The following NCAM1 variants were observed in gnomAD, a reference collection of about 807,000 sequenced individuals.
NCAM1 encodes antigen recognized by monoclonal antibody 5.1H11.
A neutral mutation model predicts 109.8 loss-of-function variants in NCAM1; 14 were observed. The ratio of observed to expected loss-of-function variants is 0.13; its 90% confidence interval spans 0.08 to 0.20. NCAM1 has a LOEUF of 0.20. Ranked by LOEUF, NCAM1 falls within the 10% of genes least tolerant of loss-of-function variation. NCAM1 has a pLI of 1.00. For missense variants in NCAM1, 774 were observed against 1,109.9 expected, an observed-to-expected ratio of 0.70 and a Z score of 4.30; for synonymous variants, 418 against 442.9, an observed-to-expected ratio of 0.94 and a Z score of 0.70.
At chr11:113,232,500 T>A (rs1446892636) in intron 11 of NCAM1, 146 bp downstream of exon 11, 1 of 933,272 alleles carries the variant, frequency 1.1e-6, no homozygotes. Context: ...CTGAGCCTCT[T>A]TTCAGCTCCC....
chr11:113,260,315 C>T lies in NCAM1; in HGVS notation c.2123C>T (p.Ala708Val), dbSNP rs1945954098. The change falls in exon 17 of 20, where the codon GCC becomes GTC. Residue 708 changes from alanine (A) to valine (V), a missense_variant. By Grantham distance (64) the Ala-to-Val change is moderately conservative. Transcript: ENST00000316851. ...FVFRTSAQPTAIPANGSPTSG... is the reference protein window; with the variant it reads ...FVFRTSAQPTVIPANGSPTSG... ...TTCAGGACCTCGGCCCAGCCCACAG[C>T]CATCCCAGGTATGGCTGCCTCTGCT... is the stretch of plus-strand genomic sequence containing the variant. 3 of 1,611,212 alleles carry T rather than the reference C, an allele frequency of 1.9e-6. No individual in the cohort carries two copies. The highest frequency in any genetic ancestry group is 1.7e-6 in the Non-Finnish European group (2 of 1,179,158).
intron 1 of NCAM1, among the ~76,000 whole-genome samples, chr11:113,058,152 T>G (rs1953780557): frequency 6.6e-6 from 1 of 151,950 alleles, no homozygotes; most frequent in Non-Finnish European, 1.5e-5. Flanking sequence ...GGTGTGGTGA[T>G]GGGTGCCTGT....
intron 14 of NCAM1, chr11:113,240,613 T>A: frequency 1.5e-6 from 1 of 655,514 alleles, no homozygotes; most frequent in Middle Eastern, 2.9e-4. Flanking sequence ...GAGAGAGCCC[T>A]GCTCCTCGCT....
chr11:113,084,383 C>T (rs1938984817), intron 1 of NCAM1, among the ~76,000 whole-genome samples: 1 of 152,176 alleles, frequency 6.6e-6, no homozygotes, highest in Non-Finnish European at 1.5e-5. Context: ...AGAAACTGGG[C>T]TCCAGGTTAA....
At chr11:113,135,654 C>T (rs1941571012) in intron 1 of NCAM1, among the ~76,000 whole-genome samples, 1 of 152,132 alleles carries the variant, frequency 6.6e-6, no homozygotes, top group South Asian at 2.1e-4. Flanking sequence ...TGTGTACATT[C>T]CTCTGTGTTC....
intron 1 of NCAM1, among the ~76,000 whole-genome samples, chr11:113,185,169 G>A (rs1943472548): frequency 6.6e-6 from 1 of 150,936 alleles, no homozygotes; most frequent in South Asian, 2.1e-4. Context: ...TCCAAGATGT[G>A]CAGTTAGAAA....
chr11:113,044,248 G>T (rs187244148), intron 1 of NCAM1, among the ~76,000 whole-genome samples: 1 of 152,196 alleles, frequency 6.6e-6, no homozygotes, highest in Non-Finnish European at 1.5e-5. Flanking sequence ...CAGCATACCA[G>T]GATGGATCTA....
intron 1 of NCAM1, among the ~76,000 whole-genome samples, chr11:113,154,375 T>C (rs1368041375): frequency 6.6e-6 from 1 of 152,144 alleles, no homozygotes; most frequent in Non-Finnish European, 1.5e-5. Flanking sequence ...CATGTCGACA[T>C]GCTGAGGGAC....
chr11:113,167,789 G>C (rs1379196320), intron 1 of NCAM1, among the ~76,000 whole-genome samples: 1 of 152,190 alleles, frequency 6.6e-6, no homozygotes, highest in Non-Finnish European at 1.5e-5. Flanking sequence ...ACTCTGCCAG[G>C]TTGGCAGGCG....
chr11:113,026,167 G>A (rs997447310), intron 1 of NCAM1, among the ~76,000 whole-genome samples: 13 of 152,192 alleles, frequency 8.5e-5, no homozygotes, highest in African/African-American at 3.1e-4. Flanking sequence ...GGCCTTCTTA[G>A]AGAAGCACTG....
intron 1 of NCAM1, among the ~76,000 whole-genome samples, chr11:113,187,207 C>T (rs1473024010): frequency 7.9e-5 from 12 of 152,154 alleles, no homozygotes; most frequent in African/African-American, 1.4e-4. Flanking sequence ...AAACTAGACC[C>T]GACCTTCTTG....
chr11:113,251,911 C>G (rs1427820014), intron 15 of NCAM1, among the ~76,000 whole-genome samples: 2 of 152,204 alleles, frequency 1.3e-5, no homozygotes, highest in Non-Finnish European at 2.9e-5. Flanking sequence ...CAGCCCCTCC[C>G]TCATCAGGCT....
At chr11:113,002,271 G>A (rs1335464378) in intron 1 of NCAM1, among the ~76,000 whole-genome samples, 3 of 152,192 alleles carry the variant, frequency 2.0e-5, no homozygotes. Context: ...GTAAAGGAGT[G>A]AAGGAAGCAA....
chr11:112,984,633 T>C (rs1555069282), intron 1 of NCAM1, among the ~76,000 whole-genome samples: 1 of 152,010 alleles, frequency 6.6e-6, no homozygotes, highest in Non-Finnish European at 1.5e-5. Context: ...TGATTTGTAT[T>C]TTTCTAATAA....
Position 112,961,586 on chromosome 11 carries a change from A to T in NCAM1, c.-27A>T. The T allele has an allele frequency of 1.4e-6, 2 of 1,416,476 alleles. No individual in the cohort carries two copies. Among genetic ancestry groups the T allele is most frequent in the Non-Finnish European group, 2.0e-6 (2 of 1,001,902 alleles). The allele number at this position is 1,416,476 out of a possible 1,614,324, so 87.7% of individuals were successfully genotyped here. A position where few individuals can be genotyped will look rare whatever the true frequency, so the allele number is the denominator to read the frequency against. On this transcript the variant is annotated 5_prime_UTR_variant, in exon 1 of 20. Transcript: ENST00000316851. Reference sequence around the variant, plus strand: ...GGGGCACAGAATTTACCGCGGCAAGAACATCCCTCCCAGCCAGCAGATTAC... The same window carrying T: ...GGGGCACAGAATTTACCGCGGCAAGTACATCCCTCCCAGCCAGCAGATTAC...
At chr11:113,183,822 G>C (rs1943404299) in intron 1 of NCAM1, among the ~76,000 whole-genome samples, 2 of 152,226 alleles carry the variant, frequency 1.3e-5, no homozygotes, top group South Asian at 4.1e-4. Flanking sequence ...GTGTCCTCAG[G>C]AGAGTGAGCT....
At chr11:113,123,679 G>GC (rs1322237403) in intron 1 of NCAM1, among the ~76,000 whole-genome samples, 1 of 152,176 alleles carries the variant, frequency 6.6e-6, no homozygotes, top group Non-Finnish European at 1.5e-5. Context: ...TCTCCTTAGA[G>GC]CCCCTTCAGG....
chr11:113,090,458 A>C (rs1208582852), intron 1 of NCAM1, among the ~76,000 whole-genome samples: 1 of 152,254 alleles, frequency 6.6e-6, no homozygotes, highest in Non-Finnish European at 1.5e-5. Context: ...AGTGAAATGC[A>C]ATGAATGAAC....
chr11:113,265,064 G>T (rs1946110544), intron 17 of NCAM1: 5 of 985,302 alleles, frequency 5.1e-6, no homozygotes, highest in Non-Finnish European at 6.0e-6. Flanking sequence ...GCTCATTTTT[G>T]GACTATTTAT....
Sources: allele counts gnomAD v4.1 joint callset (sites outside exome capture counted in the v4.1 genomes callset), GRCh38; gene constraint gnomAD v4.1.1; transcripts MANE v1.5; gene names NCBI Gene and HGNC (gene_info 2026-07-23, HGNC 2026-07-21).